The following CRACDL variants were observed in gnomAD, a reference collection of about 807,000 sequenced individuals.
CRACDL encodes the protein CRACD-like protein.
Under a neutral mutation model 70.6 loss-of-function variants are expected in CRACDL, and 26 were observed. The ratio of observed to expected loss-of-function variants is 0.37; its 90% confidence interval spans 0.27 to 0.51. The LOEUF (loss-of-function observed/expected upper bound fraction) is 0.51, where lower values mean the gene tolerates loss of function less well. CRACDL is among the 20% of genes least tolerant of loss of function. The probability of loss-of-function intolerance (pLI) is 0.94; values close to 1 mark genes in which losing one functional copy is unlikely to be tolerated. For missense variants in CRACDL, 1,283 were observed against 1,376.9 expected (o/e 0.93, Z 1.08); for synonymous variants, 618 against 615.2 (o/e 1.00, Z -0.07).
chr2:98,914,021 T>A (rs1359873921), intron 1 of CRACDL, among the ~76,000 whole-genome samples: 1 of 152,220 alleles, frequency 6.6e-6, no homozygotes, highest in African/African-American at 2.4e-5. Flanking sequence ...ATGGGCATTG[T>A]ATGTGCCCTG....
rs1705113044 is a variant in CRACDL at position 98,822,607 on chromosome 2, CCGCCCTCTCGGCGCCCGCCGGTGG to C, written c.1642_1665del (p.Pro548_Ala555del). ...CCCCTCTCCGCCTTCCGCTCTGGCG[CCGCCCTCTCGGCGCCCGCCGGTGG>C]CGCCTCGGCTCGCTCGGCCTTGGGG... is the stretch of plus-strand genomic sequence containing the variant. On this transcript the variant is annotated inframe_deletion, in exon 7 of 10. Transcript: ENST00000397899. The surrounding 1 kb of genome is among the most constrained non-coding windows in gnomAD (Gnocchi z 4.9). 2.9e-6 allele frequency: 4 copies of C among 1,389,694 alleles called. No homozygotes were observed. The highest frequency in any genetic ancestry group is 3.7e-6 in the Non-Finnish European group (4 of 1,079,304). The allele number at this position is 1,389,694 out of a possible 1,614,324, so 86.1% of individuals were successfully genotyped here.
At chr2:98,830,339 A>G (rs1483850038) in intron 5 of CRACDL, among the ~76,000 whole-genome samples, 1 of 152,094 alleles carries the variant, frequency 6.6e-6, no homozygotes, top group African/African-American at 2.4e-5. Context: ...TTCCACAATA[A>G]TCTTAAAGTT....
At chr2:98,811,620 A>G (rs542054963) in intron 7 of CRACDL, among the ~76,000 whole-genome samples, 2 of 151,622 alleles carry the variant, frequency 1.3e-5, no homozygotes, top group East Asian at 1.9e-4. Context: ...TTAGCTTCTT[A>G]TAACAACCGT....
chr2:98,838,061 G>C, intron 3 of CRACDL, 58 bp downstream of exon 3: 1 of 1,429,332 alleles, frequency 7.0e-7, no homozygotes, highest in Non-Finnish European at 9.5e-7. Context: ...AAGTTACCAG[G>C]ATAATGAAAT....
At chr2:98,878,481 A>G (rs540320755) in intron 1 of CRACDL, among the ~76,000 whole-genome samples, 6 of 152,362 alleles carry the variant, frequency 3.9e-5, no homozygotes, top group Middle Eastern at 3.4e-3. Flanking sequence ...TATACCATCT[A>G]GGTTTGCGTA....
At chr2:98,911,312 T>C (rs560665325) in intron 1 of CRACDL, among the ~76,000 whole-genome samples, 1 of 152,292 alleles carries the variant, frequency 6.6e-6, no homozygotes, top group Non-Finnish European at 1.5e-5. Flanking sequence ...TTTCTCCAGA[T>C]GTGTGAGACC....
Position 98,822,870 on chromosome 2 carries a change from G to A in CRACDL, c.1403C>T (p.Pro468Leu). 4 of 1,466,940 alleles carry A rather than the reference G, an allele frequency of 2.7e-6. No homozygotes were observed. Among genetic ancestry groups the A allele is most frequent in the East Asian group, 5.4e-5 (2 of 37,110 alleles). 90.9% of individuals were successfully genotyped at this position (1,466,940 alleles called of 1,614,324 possible). A position where few individuals can be genotyped will look rare whatever the true frequency, so the allele number is the denominator to read the frequency against. ...GGGCTCGGTCCCCGCTCCTCTCTCG[G>A]GCTCCGTCTCCGCTTCTCTCTCGGG... is the stretch of plus-strand genomic sequence containing the variant. ...PEPEREAETE[P>L]ERGAGTEPER... Residue 468 changes from proline (P) to leucine (L), a missense_variant, in exon 7 of 10, where the codon CCC becomes CTC. Coordinates refer to ENST00000397899, the MANE Select transcript of CRACDL (RefSeq NM_207362.3). This position sits in a 1 kb window ranked among gnomAD's most constrained non-coding sequence, Gnocchi z 4.9.
rs915582860 is a variant in CRACDL at position 98,816,107 on chromosome 2, G to A, written c.2416+5750C>T. Reference sequence around the variant, plus strand: ...CCAGGAGCTCTGGCCTGCAGGGGTTGTTGATACCACCAGTGGCAGAGCGCA... The same window carrying A: ...CCAGGAGCTCTGGCCTGCAGGGGTTATTGATACCACCAGTGGCAGAGCGCA... On this transcript the variant is annotated intron_variant, in intron 7 of 9. Coordinates refer to ENST00000397899, the MANE Select transcript of CRACDL (RefSeq NM_207362.3). Among the ~76,000 whole-genome samples, 9 of 152,288 alleles carry A rather than the reference G, an allele frequency of 5.9e-5. No individual in the cohort carries two copies. The East Asian group carries it at 7.7e-4, about 13-fold the overall frequency.
intron 1 of CRACDL, among the ~76,000 whole-genome samples, chr2:98,932,786 C>A (rs1709111602): frequency 6.6e-6 from 1 of 152,196 alleles, no homozygotes; most frequent in African/African-American, 2.4e-5. Context: ...TTTTATGTAT[C>A]AAGGGCAAAG....
intron 1 of CRACDL, among the ~76,000 whole-genome samples, chr2:98,907,519 A>G (rs1573183226): frequency 6.6e-6 from 1 of 151,250 alleles, no homozygotes; most frequent in African/African-American, 2.4e-5. Context: ...TCTGCTCAGA[A>G]CCCTCCTCTC....
chr2:98,810,750 A>G (rs1246215671), intron 7 of CRACDL, among the ~76,000 whole-genome samples: 1 of 152,190 alleles, frequency 6.6e-6, no homozygotes, highest in Non-Finnish European at 1.5e-5. Context: ...ACATGATCTG[A>G]GAACCTGAAA....
At chr2:98,891,166 G>A (rs545271888) in intron 1 of CRACDL, among the ~76,000 whole-genome samples, 5 of 151,700 alleles carry the variant, frequency 3.3e-5, no homozygotes, top group African/African-American at 1.2e-4. Flanking sequence ...ATCACTTGAG[G>A]TCAGTAGTTC....
intron 1 of CRACDL, among the ~76,000 whole-genome samples, chr2:98,864,166 A>G (rs1388264542): frequency 2.0e-5 from 3 of 152,232 alleles, no homozygotes; most frequent in South Asian, 2.1e-4. Context: ...CCAAATATCC[A>G]TCTCTGGATA....
chr2:98,842,895 TG>T (rs1706094700), intron 2 of CRACDL, among the ~76,000 whole-genome samples: 1 of 152,076 alleles, frequency 6.6e-6, no homozygotes, highest in African/African-American at 2.4e-5. Flanking sequence ...TGTGTGTGTG[TG>T]TGTGTGTGTA....
intron 7 of CRACDL, among the ~76,000 whole-genome samples, chr2:98,803,185 A>G (rs1704151618): frequency 6.6e-6 from 1 of 152,024 alleles, no homozygotes; most frequent in Non-Finnish European, 1.5e-5. Context: ...ATTTTTTAGT[A>G]GAGACGGGGT....
chr2:98,809,296 C>T (rs1176761647), intron 7 of CRACDL, among the ~76,000 whole-genome samples: 2 of 151,956 alleles, frequency 1.3e-5, no homozygotes, highest in East Asian at 3.9e-4. Flanking sequence ...TTGAAACTGA[C>T]ACTGGGGGAT....
intron 9 of CRACDL, among the ~76,000 whole-genome samples, chr2:98,795,063 A>ATATAAAAATT (rs1703745398): frequency 2.4e-5 from 1 of 41,752 alleles, no homozygotes; most frequent in African/African-American, 8.1e-5. Flanking sequence ...ATATATATAT[A>ATATAAAAATT]TATATATATA....
At chr2:98,893,950 G>A in intron 1 of CRACDL, among the ~76,000 whole-genome samples, 1 of 152,174 alleles carries the variant, frequency 6.6e-6, no homozygotes, top group Admixed American at 6.5e-5. Flanking sequence ...AATTCACTGG[G>A]CATGGGCGTG....
chr2:98,845,249 T>C (rs1032580984), intron 2 of CRACDL, among the ~76,000 whole-genome samples: 3 of 150,130 alleles, frequency 2.0e-5, no homozygotes, highest in African/African-American at 7.4e-5. Context: ...CAGGCTGGAG[T>C]GCAGTGGCAT....
Sources: gnomAD v4.1 joint callset for allele counts (sites outside exome capture counted in the v4.1 genomes callset) on GRCh38, gnomAD v4.1.1 for gene constraint, Gnocchi (gnomAD v3.1) non-coding constraint, MANE v1.5 for transcripts, NCBI Gene and HGNC (gene_info 2026-07-23, HGNC 2026-07-21) for gene names.